PXMP4: variants seen among roughly 807,000 people sequenced by gnomAD.
The protein encoded by PXMP4 is 24 kDa peroxisomal intrinsic membrane protein.
A neutral mutation model predicts 21.6 loss-of-function variants in PXMP4; 16 were observed. The ratio of observed to expected loss-of-function variants is 0.74; its 90% CI spans 0.50 to 1.13. The LOEUF (loss-of-function observed/expected upper bound fraction) is 1.13, where lower values mean the gene tolerates loss of function less well. Ranked by LOEUF, PXMP4 falls within the 50% of genes most tolerant of loss-of-function variation. PXMP4 has a pLI of 0.00. For synonymous variants in PXMP4, 127 were observed against 123.8 expected (o/e 1.03, Z -0.17); for missense variants, 240 against 277.7 (o/e 0.86, Z 0.96).
chr20:33,710,806 G>A, intron 2 of PXMP4, 53 bp from the exon 3 acceptor site: 5 of 1,496,400 alleles, frequency 3.3e-6, no homozygotes, highest in Non-Finnish European at 4.5e-6. Flanking sequence ...AGCCCCAAAG[G>A]GCTTTTACGC....
chr20:33,713,136 A>G (rs1006700293), intron 2 of PXMP4, among the ~76,000 whole-genome samples: 6 of 152,198 alleles, frequency 3.9e-5, no homozygotes, highest in Admixed American at 3.3e-4. Context: ...AAAATCTTAC[A>G]ACAATTTCCC....
intron 2 of PXMP4, among the ~76,000 whole-genome samples, chr20:33,713,400 C>T (rs1317672108): frequency 6.6e-6 from 1 of 152,232 alleles, no homozygotes; most frequent in Non-Finnish European, 1.5e-5. Flanking sequence ...TCCAATGTCA[C>T]TTTCTCATAG....
In PXMP4 at chr20:33,704,430, C is replaced by T. The variant is rs998027450; in HGVS notation, c.*3276G>A. On this transcript the variant is annotated 3_prime_UTR_variant, in exon 4 of 4. Coordinates refer to ENST00000409299, the MANE Select transcript of PXMP4 (RefSeq NM_007238.5). ...GAGCAGTGGGGAGTGGCTGTACATA[C>T]AGATGAAGCTTCGCTAGCTCACCCA... is the stretch of plus-strand genomic sequence containing the variant. 6.6e-6 allele frequency: 1 copy of T among 152,274 alleles called. No homozygotes were observed. The highest frequency in any genetic ancestry group is 1.5e-5 in the Non-Finnish European group (1 of 68,086). 9.4% of individuals were successfully genotyped at this position (152,274 alleles called of 1,614,324 possible). A position where few individuals can be genotyped will look rare whatever the true frequency, so the allele number is the denominator to read the frequency against.
chr20:33,703,356 TACG>T lies in PXMP4; in HGVS notation c.*4347_*4349del, dbSNP rs1173657072. On this transcript the variant is annotated 3_prime_UTR_variant, in exon 4 of 4. Coordinates refer to ENST00000409299, the MANE Select transcript of PXMP4 (RefSeq NM_007238.5). ...CCACACCACTCGATGAGGTGTGTGC[TACG>T]ACAACGCCTACTTTATCAATGAGGA... is the stretch of plus-strand genomic sequence containing the variant. 2 of 152,276 alleles carry T rather than the reference TACG, an allele frequency of 1.3e-5. No homozygotes were observed. The highest frequency in any genetic ancestry group is 2.4e-5 in the African/African-American group (1 of 41,472). The allele number at this position is 152,276 out of a possible 1,614,324, so 9.4% of individuals were successfully genotyped here.
intron 2 of PXMP4, among the ~76,000 whole-genome samples, chr20:33,711,807 CATA>C (rs1333451357): frequency 6.6e-6 from 1 of 152,028 alleles, no homozygotes; most frequent in African/African-American, 2.4e-5. Context: ...GCCTGGGCAA[CATA>C]ATGAGACCTC....
At chr20:33,716,023 T>C (rs1331869337) in intron 1 of PXMP4, among the ~76,000 whole-genome samples, 1 of 151,042 alleles carries the variant, frequency 6.6e-6, no homozygotes, top group Non-Finnish European at 1.5e-5. Context: ...TTTGTATTTT[T>C]AGTAGAGACG....
intron 1 of PXMP4, among the ~76,000 whole-genome samples, chr20:33,718,499 A>T (rs1389714853): frequency 1.5e-5 from 2 of 130,998 alleles, no homozygotes; most frequent in African/African-American, 6.2e-5. Flanking sequence ...CAACAGAGCG[A>T]CACTCCATCT....
rs1056684334 is a variant in PXMP4, at chr20:33,707,500, A to T, written c.*206T>A. 1.4e-6 allele frequency: 1 copy of T among 692,920 alleles called. No individual in the cohort carries two copies. Among genetic ancestry groups the T allele is most frequent in the Non-Finnish European group, 2.3e-6 (1 of 435,508 alleles). The allele number at this position is 692,920 out of a possible 1,614,324, so 42.9% of individuals were successfully genotyped here. A position where few individuals can be genotyped will look rare whatever the true frequency, so the allele number is the denominator to read the frequency against. On this transcript the variant is annotated 3_prime_UTR_variant, in exon 4 of 4. Coordinates refer to ENST00000409299, the MANE Select transcript of PXMP4 (RefSeq NM_007238.5). Reference sequence around the variant, plus strand: ...AGCTGCACAGCTGGAACCAAGCCGTAGATTCCTCAGCCTGATTCGGCCACT... The same window carrying T: ...AGCTGCACAGCTGGAACCAAGCCGTTGATTCCTCAGCCTGATTCGGCCACT...
chr20:33,714,667 T>C lies in PXMP4; in HGVS notation c.176+7A>G, dbSNP rs749687960. ...CCACATTCTCTCCCAGTTTGAGGGA[T>C]GTGTACCTGCCATTCCGGAAGAGAA... On this transcript the variant is annotated splice_region_variant and intron_variant, in intron 2 of 3. Coordinates refer to ENST00000409299, the MANE Select transcript of PXMP4 (RefSeq NM_007238.5). 4 of 1,613,460 alleles carry C rather than the reference T, an allele frequency of 2.5e-6. No individual in the cohort carries two copies. The highest frequency in any genetic ancestry group is 2.5e-6 in the Non-Finnish European group (3 of 1,179,526).
chr20:33,718,510 CAAAAAAAAAAA>C (rs34706596), intron 1 of PXMP4, among the ~76,000 whole-genome samples: 18 of 54,796 alleles, frequency 3.3e-4, no homozygotes, highest in Middle Eastern at 0.023. Context: ...CACTCCATCT[CAAAAAAAAAAA>C]AAAAAAAAAA....
intron 3 of PXMP4, among the ~76,000 whole-genome samples, chr20:33,709,513 C>T (rs2018298891): frequency 6.6e-6 from 1 of 151,976 alleles, no homozygotes. Context: ...CAATCTTTGC[C>T]CCAGAGAGCA....
chr20:33,718,996 A>G (rs191056303), intron 1 of PXMP4, among the ~76,000 whole-genome samples: 172 of 151,936 alleles, frequency 1.1e-3, no homozygotes, highest in African/African-American at 4.0e-3. Flanking sequence ...CCTGGGTTCA[A>G]GCGGTTCTCC....
At chr20:33,708,345 C>T (rs539592431) in intron 3 of PXMP4, among the ~76,000 whole-genome samples, 6 of 151,934 alleles carry the variant, frequency 3.9e-5, no homozygotes, top group Admixed American at 1.3e-4. Context: ...GCCCACCATG[C>T]CCAGCTAGTT....
Position 33,710,699 on chromosome 20 carries a change from G to A in PXMP4, c.231C>T (p.Asn77=), listed in dbSNP as rs547433226. Residue 77 remains asparagine (N), a synonymous_variant, in exon 3 of 4, where the codon AAC becomes AAT. Coordinates refer to ENST00000409299, the MANE Select transcript of PXMP4 (RefSeq NM_007238.5). ...TGTAGGTGAACACAAACCGTGCCAG[G>A]TTCCAGGAGTGGATATATGTGGCCT... is the stretch of plus-strand genomic sequence containing the variant. The part of the protein sequence containing the change: ...ILQATYIHSW[N]LARFVFTYKG... The A allele has an allele frequency of 3.1e-6, 5 of 1,613,682 alleles. No individual in the cohort carries two copies. The highest frequency in any genetic ancestry group is 4.2e-6 in the Non-Finnish European group (5 of 1,179,874).
chr20:33,714,824 C>G (rs2018367633), intron 1 of PXMP4, 88 bp from the exon 2 acceptor site: 5 of 1,314,968 alleles, frequency 3.8e-6, no homozygotes, highest in Middle Eastern at 1.8e-4. Flanking sequence ...GTTCTCTCCC[C>G]CCATCCCAAA....
chr20:33,719,208 T>C (rs138441329), intron 1 of PXMP4, among the ~76,000 whole-genome samples: 1 of 152,324 alleles, frequency 6.6e-6, no homozygotes, highest in East Asian at 1.9e-4. Context: ...TGCTAAGCAT[T>C]TCACACATAT....
chr20:33,720,015 G>A (rs1174587745), intron 1 of PXMP4, 80 bp downstream of exon 1: 1 of 1,328,596 alleles, frequency 7.5e-7, no homozygotes, highest in East Asian at 2.3e-5. Context: ...ACAGCACCGC[G>A]GCATCGGACT....
rs1029946141 is a variant in PXMP4 at position 33,706,085 on chromosome 20, C to T, written c.*1621G>A. On this transcript the variant is annotated 3_prime_UTR_variant, in exon 4 of 4. Transcript: ENST00000409299. Reference sequence around the variant, plus strand: ...GGATTACAGGGACGTGCCACCATGCCTGGCTAATTTTTGTATTTTTAGTAG... The same window carrying T: ...GGATTACAGGGACGTGCCACCATGCTTGGCTAATTTTTGTATTTTTAGTAG... 1 of 151,984 alleles carries T rather than the reference C, an allele frequency of 6.6e-6. No individual in the cohort carries two copies. Among genetic ancestry groups the T allele is most frequent in the Non-Finnish European group, 1.5e-5 (1 of 68,042 alleles). The allele number at this position is 151,984 out of a possible 1,614,324, so 9.4% of individuals were successfully genotyped here.
intron 3 of PXMP4, among the ~76,000 whole-genome samples, chr20:33,709,223 A>G (rs2122580955): frequency 6.6e-6 from 1 of 151,910 alleles, no homozygotes; most frequent in Middle Eastern, 3.4e-3. Context: ...GAACCTGGGA[A>G]GTGGAGGTTG....
Sources: allele counts gnomAD v4.1 joint callset (sites outside exome capture counted in the v4.1 genomes callset), GRCh38; gene constraint gnomAD v4.1.1; transcripts MANE v1.5; gene names NCBI Gene and HGNC (gene_info 2026-07-23, HGNC 2026-07-21).